The following NUBPL variants were observed in gnomAD, a reference collection of about 807,000 sequenced individuals.
NUBPL encodes iron-sulfur cluster transfer protein NUBPL.
Under a neutral mutation model 45.7 loss-of-function variants are expected in NUBPL, and 31 were observed. The observed-to-expected ratio is 0.68, with a 90% CI of 0.51 to 0.92. The LOEUF is 0.92. Ranked by LOEUF, NUBPL falls within the 40% of genes least tolerant of loss-of-function variation. The probability of loss-of-function intolerance (pLI) is 0.00; values close to 1 mark genes in which losing one functional copy is unlikely to be tolerated. For missense variants in NUBPL, 401 were observed against 398.7 expected, an observed-to-expected ratio of 1.01 and a Z score of -0.05; for synonymous variants, 144 against 140.9, an observed-to-expected ratio of 1.02 and a Z score of -0.15.
intron 7 of NUBPL, among the ~76,000 whole-genome samples, chr14:31,814,875 T>C: frequency 6.6e-6 from 1 of 152,162 alleles, no homozygotes; most frequent in East Asian, 1.9e-4. Flanking sequence ...CTGAGGCCTC[T>C]GTTCTGTTTC....
intron 6 of NUBPL, among the ~76,000 whole-genome samples, chr14:31,750,100 A>AT (rs2038488377): frequency 6.6e-6 from 1 of 151,402 alleles, no homozygotes; most frequent in Admixed American, 6.6e-5. Context: ...TCAGATAACA[A>AT]TTTTTTTCCT....
chr14:31,650,517 C>T (rs763201920), intron 4 of NUBPL, among the ~76,000 whole-genome samples: 35 of 152,138 alleles, frequency 2.3e-4, no homozygotes, highest in Non-Finnish European at 3.2e-4. Flanking sequence ...TCTCAATCTC[C>T]TGACCTCATG....
chr14:31,625,988 A>G (rs1303529556), intron 4 of NUBPL, among the ~76,000 whole-genome samples: 1 of 152,186 alleles, frequency 6.6e-6, no homozygotes, highest in Non-Finnish European at 1.5e-5. Context: ...ATTTTTAAAA[A>G]GGTAATGGAA....
At chr14:31,635,757 T>C (rs1422911986) in intron 4 of NUBPL, among the ~76,000 whole-genome samples, 2 of 151,596 alleles carry the variant, frequency 1.3e-5, no homozygotes, top group South Asian at 2.1e-4. Context: ...GTATCCTCTT[T>C]TATTTCCTTG....
intron 4 of NUBPL, among the ~76,000 whole-genome samples, chr14:31,645,776 C>G (rs577964900): frequency 1.5e-4 from 16 of 110,196 alleles, no homozygotes; most frequent in African/African-American, 4.6e-4. Context: ...TACTTTACAC[C>G]CCCCCCCCCA....
chr14:31,859,109 C>G lies in NUBPL; in HGVS notation c.898-9C>G. 1.2e-6 allele frequency: 2 copies of G among 1,613,208 alleles called. No individual in the cohort carries two copies. Among genetic ancestry groups the G allele is most frequent in the Non-Finnish European group, 8.5e-7 (1 of 1,179,412 alleles). On this transcript the variant is annotated splice_polypyrimidine_tract_variant and intron_variant, in intron 10 of 10. Coordinates refer to ENST00000281081, the MANE Select transcript of NUBPL (RefSeq NM_025152.3). ...GAAATACAGAACAAATAAGTTTGTT[C>G]TTTTCCAGGCCAAAGCTTACTTGAG...
At chr14:31,671,845 G>C (rs1021147441) in intron 4 of NUBPL, among the ~76,000 whole-genome samples, 1 of 149,122 alleles carries the variant, frequency 6.7e-6, no homozygotes, top group Non-Finnish European at 1.5e-5. Context: ...ATGCATATAT[G>C]CTTTACACAG....
At chr14:31,809,012 G>A (rs987022453) in intron 7 of NUBPL, among the ~76,000 whole-genome samples, 29 of 152,192 alleles carry the variant, frequency 1.9e-4, no homozygotes, top group African/African-American at 6.5e-4. Context: ...TGCTGGATTC[G>A]GTTTGCCAGT....
At chr14:31,855,924 A>G (rs1275235298) in intron 10 of NUBPL, among the ~76,000 whole-genome samples, 1 of 152,252 alleles carries the variant, frequency 6.6e-6, no homozygotes, top group Non-Finnish European at 1.5e-5. Flanking sequence ...GGATAATGAT[A>G]GAATTTACCC....
intron 6 of NUBPL, among the ~76,000 whole-genome samples, chr14:31,776,184 T>TCA (rs1284199590): frequency 1.3e-5 from 2 of 152,162 alleles, no homozygotes; most frequent in African/African-American, 4.8e-5. Flanking sequence ...CACCACTGGG[T>TCA]TTTACTAAAT....
At chr14:31,685,776 G>A (rs1049928918) in intron 6 of NUBPL, among the ~76,000 whole-genome samples, 1 of 152,190 alleles carries the variant, frequency 6.6e-6, no homozygotes, top group African/African-American at 2.4e-5. Flanking sequence ...CTTCCCAGTA[G>A]ACGGGAAAAG....
intron 4 of NUBPL, among the ~76,000 whole-genome samples, chr14:31,605,423 G>A (rs183237704): frequency 1.3e-5 from 2 of 152,312 alleles, no homozygotes; most frequent in Non-Finnish European, 2.9e-5. Flanking sequence ...TGTGGAGAGA[G>A]TTTACTAAAA....
At chr14:31,819,923 G>A (rs1196156815) in intron 7 of NUBPL, among the ~76,000 whole-genome samples, 2 of 151,904 alleles carry the variant, frequency 1.3e-5, no homozygotes, top group South Asian at 4.2e-4. Flanking sequence ...GGCGGATCAC[G>A]AGGTCAGGAG....
intron 6 of NUBPL, among the ~76,000 whole-genome samples, chr14:31,697,583 G>A (rs545044448): frequency 1.3e-5 from 2 of 152,230 alleles, no homozygotes; most frequent in East Asian, 1.9e-4. Flanking sequence ...ATATGAAAAG[G>A]CTGTTAGGGC....
At chr14:31,818,346 G>A (rs1401308636) in intron 7 of NUBPL, among the ~76,000 whole-genome samples, 1 of 152,118 alleles carries the variant, frequency 6.6e-6, no homozygotes, top group African/African-American at 2.4e-5. Context: ...CAAATCAACA[G>A]AATATACGTT....
intron 4 of NUBPL, among the ~76,000 whole-genome samples, chr14:31,602,523 A>G (rs963856330): frequency 2.6e-5 from 4 of 152,108 alleles, no homozygotes; most frequent in Admixed American, 1.3e-4. Context: ...TAAAAAGTAT[A>G]TATATAAAAA....
chr14:31,841,309 A>G (rs1356395097), intron 8 of NUBPL, among the ~76,000 whole-genome samples: 1 of 152,238 alleles, frequency 6.6e-6, no homozygotes, highest in Non-Finnish European at 1.5e-5. Flanking sequence ...CAACTGAAAC[A>G]ATGAATCTTA....
intron 6 of NUBPL, among the ~76,000 whole-genome samples, chr14:31,756,935 C>T (rs1361567848): frequency 2.0e-5 from 3 of 146,768 alleles, no homozygotes; most frequent in Non-Finnish European, 4.5e-5. Flanking sequence ...TGTCAAAGGC[C>T]TTTTCTGCAT....
At chr14:31,778,577 A>C (rs111841562) in intron 6 of NUBPL, among the ~76,000 whole-genome samples, 1,620 of 152,366 alleles carry the variant, frequency 0.011, 16 homozygotes, top group Middle Eastern at 0.027. Flanking sequence ...TGAGTTCCTT[A>C]GTCACTGTGA....
Sources: gnomAD v4.1 joint callset for allele counts (sites outside exome capture counted in the v4.1 genomes callset) on GRCh38, gnomAD v4.1.1 for gene constraint, MANE v1.5 for transcripts, NCBI Gene and HGNC (gene_info 2026-07-23, HGNC 2026-07-21) for gene names.